Variants in MYH7B observed in about 807,000 individuals in gnomAD.
MYH7B encodes myosin heavy chain 7B.
MYH7B carries 205 observed loss-of-function variants against 234.5 expected under a neutral mutation model. The ratio of observed to expected loss-of-function variants is 0.87; its 90% CI spans 0.78 to 0.98. The LOEUF is 0.98. Ranked by LOEUF, MYH7B falls within the 50% of genes least tolerant of loss-of-function variation. The pLI, the probability that MYH7B is intolerant of heterozygous loss-of-function variation, is 0.00. For missense variants in MYH7B, 2,652 were observed against 2,633.4 expected, an observed-to-expected ratio of 1.01 and a Z score of -0.15; for synonymous variants, 1,193 against 1,105.0, an observed-to-expected ratio of 1.08 and a Z score of -1.58.
exon 28 of MYH7B, chr20:34,995,444 G>A (rs990986959): frequency 1.2e-6 from 2 of 1,613,756 alleles, no homozygotes; most frequent in African/African-American, 1.3e-5. Flanking sequence ...GGAGGATGAG[G>A]AGGAGGTGAA....
At position 34,985,885 on chromosome 20, in the gene MYH7B, A is replaced by C. The variant is rs948657064; in HGVS notation, c.806-215A>C. Among the ~76,000 whole-genome samples, 3 of 152,160 alleles carry C rather than the reference A, an allele frequency of 2.0e-5. No individual in the cohort carries two copies. The East Asian group carries it at 5.8e-4, about 29-fold the overall frequency. ...CACACACACGCAAGGACACACACTGACCCATCTGGCCAGAGACACAGACAC... is the reference window on the plus strand; with the variant it reads ...CACACACACGCAAGGACACACACTGCCCCATCTGGCCAGAGACACAGACAC... On this transcript the variant is annotated intron_variant, in intron 13 of 44. Transcript: ENST00000262873.
chr20:34,992,892 GAGTGTCCCT>G (rs2082181211), intron 24 of MYH7B, among the ~76,000 whole-genome samples: 1 of 152,102 alleles, frequency 6.6e-6, no homozygotes, highest in Non-Finnish European at 1.5e-5. Context: ...ATTTTAAGTG[GAGTGTCCCT>G]AGTGTCCCAG....
intron 10 of MYH7B, among the ~76,000 whole-genome samples, chr20:34,984,344 G>A (rs942885639): frequency 1.3e-5 from 2 of 152,188 alleles, no homozygotes; most frequent in Non-Finnish European, 2.9e-5. Flanking sequence ...GGGCACTTGG[G>A]CTGGGCTCTG....
At chr20:34,992,796 C>T (rs969422420) in intron 24 of MYH7B, among the ~76,000 whole-genome samples, 4 of 152,146 alleles carry the variant, frequency 2.6e-5, no homozygotes, top group Admixed American at 1.3e-4. Context: ...TCTTGAACTC[C>T]TGGGCTCAAG....
intron 32 of MYH7B, 88 bp downstream of exon 32, chr20:34,997,728 A>T: frequency 6.7e-7 from 1 of 1,494,530 alleles, no homozygotes; most frequent in Middle Eastern, 1.8e-4. Flanking sequence ...ACCAGCCTCC[A>T]CCCAGTACCT....
At chr20:34,962,751 C>T (rs2081709415) in intron 2 of MYH7B, among the ~76,000 whole-genome samples, 1 of 152,152 alleles carries the variant, frequency 6.6e-6, no homozygotes, top group African/African-American at 2.4e-5. Context: ...TCTCAGCTTC[C>T]CAAGTAGCTG....
intron 27 of MYH7B, among the ~76,000 whole-genome samples, chr20:34,994,972 C>T (rs567788858): frequency 1.3e-5 from 2 of 152,346 alleles, no homozygotes; most frequent in East Asian, 3.9e-4. Flanking sequence ...TACCTGAGCC[C>T]TTCCAGGGAC....
chr20:34,979,857 G>T, intron 7 of MYH7B, 53 bp downstream of exon 7: 1 of 1,585,670 alleles, frequency 6.3e-7, no homozygotes, highest in Non-Finnish European at 8.6e-7. Flanking sequence ...GTGGGGCGGG[G>T]CTAGAGATGA....
At chr20:34,989,707 G>C (rs75941461) in intron 19 of MYH7B, 33 bp from the exon 20 acceptor site, 1 of 1,601,828 alleles carries the variant, frequency 6.2e-7, no homozygotes, top group Admixed American at 1.7e-5. Context: ...GGACTGGCTT[G>C]ATGGTGGCTT....
At chr20:34,963,410 G>GT (rs2081715996) in intron 2 of MYH7B, among the ~76,000 whole-genome samples, 1 of 152,160 alleles carries the variant, frequency 6.6e-6, no homozygotes, top group African/African-American at 2.4e-5. Flanking sequence ...CTATTTAAAT[G>GT]TTTTCCTTAT....
intron 3 of MYH7B, among the ~76,000 whole-genome samples, chr20:34,977,027 T>C (rs965265924): frequency 8.7e-5 from 13 of 149,700 alleles, no homozygotes; most frequent in African/African-American, 2.7e-4. Flanking sequence ...TGCAGATGTC[T>C]GAGAAGGATG....
At chr20:35,001,402 C>T in intron 42 of MYH7B, 29 bp from the exon 43 acceptor site, 1 of 1,594,166 alleles carries the variant, frequency 6.3e-7, no homozygotes, top group Non-Finnish European at 8.5e-7. Context: ...CCAGCCCAAG[C>T]AAGCCCTGAG....
At chr20:34,980,307 G>T in intron 7 of MYH7B, 1 of 396,158 alleles carries the variant, frequency 2.5e-6, no homozygotes, top group East Asian at 4.7e-5. Flanking sequence ...CCAGCACTTT[G>T]GGAGGGCAAG....
In MYH7B at chr20:34,993,867, G is replaced by A. The variant is rs531088679; in HGVS notation, c.2445-279G>A. On this transcript the variant is annotated intron_variant, in intron 26 of 44. Coordinates refer to ENST00000262873, the Ensembl canonical transcript of MYH7B. ...TCAGAGATCCAGAGCTAGCTGGCAC[G>A]TCAGCCCAGGCCGCTGACTCCAGAG... 5.9e-5 allele frequency among the ~76,000 whole-genome samples: 9 copies of A among 152,354 alleles called. No individual in the cohort carries two copies. The East Asian group carries it at 1.3e-3, about 23-fold the overall frequency.
At chr20:34,978,834 C>A (rs1007031881) in intron 5 of MYH7B, among the ~76,000 whole-genome samples, 3 of 152,212 alleles carry the variant, frequency 2.0e-5, no homozygotes, top group Non-Finnish European at 4.4e-5. Context: ...GACCCAGGCA[C>A]TTGGCAGAGC....
rs1283890494 is a variant in MYH7B, at chr20:35,000,457, C to T, written c.4946C>T (p.Ala1649Val). 1 of 1,601,840 alleles carries T rather than the reference C, an allele frequency of 6.2e-7. No individual in the cohort carries two copies. The highest frequency in any genetic ancestry group is 8.5e-7 in the Non-Finnish European group (1 of 1,179,754). Residue 1649 changes from alanine (A) to valine (V), a missense_variant, in exon 39 of 45, where the codon GCC becomes GTC. By Grantham distance (64) the Ala-to-Val change is moderately conservative. This residue lies in a region of MYH7B where 2,279 missense variants were observed against 2,211.4 expected (regional missense o/e 1.03). Coordinates refer to ENST00000262873, the Ensembl canonical transcript of MYH7B. ...CGTCAGGCCACAGAGGCCCAGGCTG[C>T]CACGCGGCTGATGCAGGCACAGCTC...
intron 15 of MYH7B, 27 bp downstream of exon 15, chr20:34,987,016 G>T (rs781502037): frequency 1.4e-5 from 23 of 1,610,608 alleles, no homozygotes; most frequent in Non-Finnish European, 1.8e-5. Context: ...GAGGGGAGCT[G>T]TGTGGACGCC....
chr20:34,979,278 AG>A (rs2081903321), intron 5 of MYH7B, 111 bp from the exon 6 acceptor site: 2 of 769,752 alleles, frequency 2.6e-6, no homozygotes, highest in Non-Finnish European at 2.1e-6. Flanking sequence ...GTCCTGGCAG[AG>A]GGGCTTTGGG....
intron 8 of MYH7B, 149 bp from the exon 9 acceptor site, chr20:34,980,884 G>A (rs996355645): frequency 2.7e-6 from 4 of 1,483,468 alleles, no homozygotes; most frequent in Non-Finnish European, 3.7e-6. Context: ...CCGCATGGGA[G>A]CTGACCTCCA....
Sources: allele counts gnomAD v4.1 joint callset (sites outside exome capture counted in the v4.1 genomes callset), GRCh38; gene constraint gnomAD v4.1.1; regional missense constraint gnomAD v4.1.1; transcripts MANE v1.5; gene names NCBI Gene and HGNC (gene_info 2026-07-23, HGNC 2026-07-21).